ZNF148: variants seen among roughly 807,000 people sequenced by gnomAD.
The protein encoded by ZNF148 is Beta-Enolase Repressor Factor-1.
A neutral mutation model predicts 67.7 loss-of-function variants in ZNF148; 7 were observed. The ratio of observed to expected loss-of-function variants is 0.10; its 90% CI spans 0.06 to 0.19. The LOEUF (loss-of-function observed/expected upper bound fraction) is 0.19, where lower values mean the gene tolerates loss of function less well. Among genes scored for constraint, ZNF148 ranks in the 10% least tolerant of loss-of-function variants. The pLI is 1.00. For synonymous variants in ZNF148, 333 were observed against 330.7 expected (o/e 1.01, Z -0.08); for missense variants, 583 against 947.1 (o/e 0.62, Z 5.05).
intron 4 of ZNF148, among the ~76,000 whole-genome samples, chr3:125,288,803 C>T (rs1025721786): frequency 6.6e-6 from 1 of 152,106 alleles, no homozygotes; most frequent in African/African-American, 2.4e-5. Flanking sequence ...CTTTCCTGGG[C>T]TCTACAACAG....
rs1247975469 is a variant in ZNF148, at chr3:125,230,301, T to C, written c.*2040A>G. 6.6e-6 allele frequency: 1 copy of C among 152,582 alleles called. No individual in the cohort carries two copies. The highest frequency in any genetic ancestry group is 1.5e-5 in the Non-Finnish European group (1 of 68,016). The allele number at this position is 152,582 out of a possible 1,614,324, so 9.5% of individuals were successfully genotyped here. On this transcript the variant is annotated 3_prime_UTR_variant, in exon 9 of 9. Transcript: ENST00000360647. ...CCTATTTAGGGTGAGCACAGTTCCA[T>C]TTTTAACGTATCACCTGAATGAAGC...
chr3:125,333,568 A>G (rs1941376686), intron 1 of ZNF148, among the ~76,000 whole-genome samples: 1 of 152,188 alleles, frequency 6.6e-6, no homozygotes, highest in African/African-American at 2.4e-5. Flanking sequence ...ATGGAAACGG[A>G]AACCATGCAA....
intron 1 of ZNF148, among the ~76,000 whole-genome samples, chr3:125,368,093 T>C (rs1009659241): frequency 2.0e-5 from 3 of 152,230 alleles, no homozygotes; most frequent in Non-Finnish European, 4.4e-5. Context: ...TTAAATCATT[T>C]CACCAAACCT....
At chr3:125,264,738 T>G (rs1223257932) in intron 7 of ZNF148, among the ~76,000 whole-genome samples, 1 of 152,238 alleles carries the variant, frequency 6.6e-6, no homozygotes, top group Non-Finnish European at 1.5e-5. Context: ...TTTCATTCAA[T>G]TTTCAGTCTT....
Position 125,232,334 on chromosome 3 carries a change from T to C in ZNF148, c.*7A>G. 1 of 1,583,244 alleles carries C rather than the reference T, an allele frequency of 6.3e-7. No individual in the cohort carries two copies. Among genetic ancestry groups the C allele is most frequent in the East Asian group, 2.2e-5 (1 of 44,526 alleles). On this transcript the variant is annotated 3_prime_UTR_variant, in exon 9 of 9. Coordinates refer to ENST00000360647, the MANE Select transcript of ZNF148 (RefSeq NM_021964.3). The surrounding 1 kb of genome is among the most constrained non-coding windows in gnomAD (Gnocchi z 4.2). The stretch of plus-strand genomic sequence containing the variant: ...GTGCCAGTATTATTTACACTTTTTT[T>C]TTTTTTTTAGCCAAAAGTCTGGCCA...
At chr3:125,275,233 A>G (rs766061822) in intron 7 of ZNF148, among the ~76,000 whole-genome samples, 1 of 152,182 alleles carries the variant, frequency 6.6e-6, no homozygotes, top group Non-Finnish European at 1.5e-5. Context: ...TTTCTTTGTT[A>G]AGGAACCCTA....
At chr3:125,278,501 T>C (rs1938194821) in intron 6 of ZNF148, among the ~76,000 whole-genome samples, 1 of 152,162 alleles carries the variant, frequency 6.6e-6, no homozygotes, top group South Asian at 2.1e-4. Context: ...AAGCTACTTG[T>C]GATCTCCTTG....
At chr3:125,276,568 G>A (rs1031916853) in intron 7 of ZNF148, among the ~76,000 whole-genome samples, 2 of 152,036 alleles carry the variant, frequency 1.3e-5, no homozygotes, top group Admixed American at 1.3e-4. Context: ...CGAGTAGCTG[G>A]GATTACAGGC....
intron 1 of ZNF148, among the ~76,000 whole-genome samples, chr3:125,353,767 T>TAAAA (rs920418052): frequency 6.9e-6 from 1 of 145,620 alleles, no homozygotes; most frequent in Admixed American, 6.8e-5. Flanking sequence ...GAATAAAGTT[T>TAAAA]AAAAAAAAAA....
chr3:125,288,184 T>G lies in ZNF148; in HGVS notation c.378A>C (p.Gln126His). Residue 126 changes from glutamine (Q) to histidine (H), a missense_variant, in exon 5 of 9, where the codon CAA (glutamine) becomes CAC (histidine). Physicochemically the swap from Gln to His is conservative, Grantham distance 24. Around this residue, in one of 5 missense-constraint regions of ZNF148, gnomAD observed 150 missense variants for 202.5 expected, o/e 0.74. Transcript: ENST00000360647. ...QEITFTDVSE[Q>H]LMRDKKQIRE... ...TGATTTGTTTTTTGTCTCTCATCAG[T>G]TGCTCAGATACATCAGTAAAAGTAA... 6.2e-7 allele frequency: 1 copy of G among 1,613,800 alleles called. No homozygotes were observed.
At chr3:125,234,352 T>C (rs2107833692) in intron 7 of ZNF148, 23 bp from the exon 8 acceptor site, 1 of 1,475,310 alleles carries the variant, frequency 6.8e-7, no homozygotes, top group African/African-American at 1.4e-5. Flanking sequence ...ATAGAAAGTT[T>C]AAAACAAAAC....
intron 1 of ZNF148, among the ~76,000 whole-genome samples, chr3:125,342,248 C>G (rs190155520): frequency 4.8e-4 from 73 of 151,914 alleles, no homozygotes; most frequent in Non-Finnish European, 8.5e-4. Flanking sequence ...TTTAGGAACA[C>G]TAACTTGCAG....
At chr3:125,358,022 C>A (rs772057180) in intron 1 of ZNF148, among the ~76,000 whole-genome samples, 2 of 152,196 alleles carry the variant, frequency 1.3e-5, no homozygotes, top group Non-Finnish European at 2.9e-5. Context: ...TAACAAGCTT[C>A]ATAAATCGGA....
intron 4 of ZNF148, among the ~76,000 whole-genome samples, chr3:125,298,655 C>T (rs1320088198): frequency 1.6e-5 from 2 of 128,196 alleles, no homozygotes; most frequent in Non-Finnish European, 3.1e-5. Context: ...GACAGAGTCT[C>T]ACTCTGTCGC....
At chr3:125,271,145 T>A (rs555805717) in intron 7 of ZNF148, among the ~76,000 whole-genome samples, 2 of 152,234 alleles carry the variant, frequency 1.3e-5, no homozygotes, top group African/African-American at 4.8e-5. Flanking sequence ...TTTTTTAACA[T>A]GGCAGTTAAA....
rs1301110718 is a variant in ZNF148, at chr3:125,323,388, C to T, written c.-96G>A. 5.7e-6 allele frequency: 4 copies of T among 696,448 alleles called. No individual in the cohort carries two copies. The highest frequency in any genetic ancestry group is 1.8e-5 in the African/African-American group (1 of 56,952). The allele number at this position is 696,448 out of a possible 1,614,324, so 43.1% of individuals were successfully genotyped here. A position where few individuals can be genotyped will look rare whatever the true frequency, so the allele number is the denominator to read the frequency against. On this transcript the variant is annotated 5_prime_UTR_variant, in exon 3 of 9. Coordinates refer to ENST00000360647, the MANE Select transcript of ZNF148 (RefSeq NM_021964.3). Reference sequence around the variant, plus strand: ...AAAGAAATCATGGTTGAGTTTCTACCTTTCATAGGCTTCAGAAATCCTCAA... The same window carrying T: ...AAAGAAATCATGGTTGAGTTTCTACTTTTCATAGGCTTCAGAAATCCTCAA...
At chr3:125,261,043 A>G (rs1937312718) in intron 7 of ZNF148, among the ~76,000 whole-genome samples, 2 of 152,274 alleles carry the variant, frequency 1.3e-5, no homozygotes, top group Admixed American at 1.3e-4. Context: ...GGTTTATGGA[A>G]AGGAGAATGT....
chr3:125,328,647 TA>T (rs900562662), intron 2 of ZNF148, among the ~76,000 whole-genome samples: 29 of 148,194 alleles, frequency 2.0e-4, no homozygotes, highest in African/African-American at 5.2e-4. Flanking sequence ...TTGGAAAACT[TA>T]AAAAAAAAAT....
intron 5 of ZNF148, among the ~76,000 whole-genome samples, chr3:125,280,004 AAG>A (rs1188910892): frequency 1.3e-5 from 2 of 152,168 alleles, no homozygotes; most frequent in Non-Finnish European, 1.5e-5. Flanking sequence ...CTAAAAAAAA[AAG>A]AGAACACTAA....
Sources: gnomAD v4.1 joint callset for allele counts (sites outside exome capture counted in the v4.1 genomes callset) on GRCh38, gnomAD v4.1.1 for gene constraint, gnomAD v4.1.1 regional missense constraint, Gnocchi (gnomAD v3.1) non-coding constraint, MANE v1.5 for transcripts, NCBI Gene and HGNC (gene_info 2026-07-23, HGNC 2026-07-21) for gene names.